Variants in GRM8 observed in about 807,000 individuals in gnomAD.
The protein encoded by GRM8 is metabotropic glutamate receptor 8.
Under a neutral mutation model 87.2 loss-of-function variants are expected in GRM8, and 47 were observed. That is an observed-to-expected ratio of 0.54 (90% CI 0.43 to 0.69). GRM8 has a LOEUF of 0.69. Ranked by LOEUF, GRM8 falls within the 30% of genes least tolerant of loss-of-function variation. The pLI is 0.00. For missense variants in GRM8, 1,019 were observed against 1,139.2 expected (o/e 0.89, Z 1.52); for synonymous variants, 396 against 404.5 (o/e 0.98, Z 0.25).
At chr7:126,609,711 G>T (rs1228336230) in intron 7 of GRM8, among the ~76,000 whole-genome samples, 2 of 152,116 alleles carry the variant, frequency 1.3e-5, no homozygotes, top group East Asian at 1.9e-4. Flanking sequence ...GTGCTTTATT[G>T]TACATATTAG....
At chr7:127,116,531 G>A (rs1400235354) in intron 2 of GRM8, among the ~76,000 whole-genome samples, 4 of 152,110 alleles carry the variant, frequency 2.6e-5, no homozygotes, top group South Asian at 2.1e-4. Context: ...AACATTTAAC[G>A]GCAATTGTAA....
chr7:126,693,767 A>G (rs1480413002), intron 7 of GRM8, among the ~76,000 whole-genome samples: 1 of 152,152 alleles, frequency 6.6e-6, no homozygotes, highest in African/African-American at 2.4e-5. Context: ...TTTGCTGGGC[A>G]TATAAAATAG....
Position 126,438,970 on chromosome 7 carries a change from C to A in GRM8, c.*149G>T. On this transcript the variant is annotated 3_prime_UTR_variant, in exon 11 of 11. Coordinates refer to ENST00000339582, the MANE Select transcript of GRM8 (RefSeq NM_000845.3). ...ACTCCCCGTTTATTGATACTTTTGG[C>A]TCATGGCTAATTTTTGTTCCTTACA... The A allele has an allele frequency of 1.6e-6, 1 of 622,930 alleles. No individual in the cohort carries two copies. Among genetic ancestry groups the A allele is most frequent in the Non-Finnish European group, 2.9e-6 (1 of 344,008 alleles). The allele number at this position is 622,930 out of a possible 1,614,324, so 38.6% of individuals were successfully genotyped here.
chr7:127,069,005 T>A (rs1270569081), intron 3 of GRM8, among the ~76,000 whole-genome samples: 2 of 152,154 alleles, frequency 1.3e-5, no homozygotes, highest in South Asian at 2.1e-4. Context: ...CCTGCTTTTG[T>A]GAAGGAAAAG....
At chr7:126,477,584 A>C (rs957707130) in intron 9 of GRM8, among the ~76,000 whole-genome samples, 2 of 52,922 alleles carry the variant, frequency 3.8e-5, no homozygotes, top group Admixed American at 1.7e-4. Flanking sequence ...AGAAAGAGAG[A>C]AAGAAAGAAA....
At chr7:127,047,504 C>T (rs1819050089) in intron 3 of GRM8, among the ~76,000 whole-genome samples, 1 of 151,996 alleles carries the variant, frequency 6.6e-6, no homozygotes, top group African/African-American at 2.4e-5. Context: ...TTCCCCTTCT[C>T]CTTTTTTTCC....
intron 2 of GRM8, among the ~76,000 whole-genome samples, chr7:127,130,506 A>G (rs1240981666): frequency 6.6e-6 from 1 of 152,170 alleles, no homozygotes; most frequent in South Asian, 2.1e-4. Flanking sequence ...AGTACAGGTC[A>G]CTCATGTTAT....
intron 3 of GRM8, among the ~76,000 whole-genome samples, chr7:126,907,055 G>C (rs1802751975): frequency 6.6e-6 from 1 of 151,390 alleles, no homozygotes; most frequent in Non-Finnish European, 1.5e-5. Flanking sequence ...TAAAAAGAAA[G>C]AAGAAGAAGA....
chr7:126,510,570 A>G (rs1451993206), intron 9 of GRM8, among the ~76,000 whole-genome samples: 4 of 26,112 alleles, frequency 1.5e-4, no homozygotes, highest in Non-Finnish European at 3.1e-4. Flanking sequence ...AATAAATTTC[A>G]AAGAACCATG....
Position 126,741,548 on chromosome 7 carries a change from T to C in GRM8, c.1357+28317A>G, listed in dbSNP as rs149661403. Among the ~76,000 whole-genome samples, 454 of 152,172 alleles carry C rather than the reference T, an allele frequency of 3.0e-3. 6 individuals carry two copies. Among genetic ancestry groups the C allele is most frequent in the African/African-American group, 0.01 (430 of 41,536 alleles). ...GGATTTTTCCTTGTAACTCTGGTCCTGAATGTGGCAGAAGAACTGAAATGT... is the reference window on the plus strand; with the variant it reads ...GGATTTTTCCTTGTAACTCTGGTCCCGAATGTGGCAGAAGAACTGAAATGT... On this transcript the variant is annotated intron_variant, in intron 7 of 10. Coordinates refer to ENST00000339582, the MANE Select transcript of GRM8 (RefSeq NM_000845.3).
chr7:126,583,608 T>G (rs558200990), intron 8 of GRM8, among the ~76,000 whole-genome samples: 3 of 152,198 alleles, frequency 2.0e-5, no homozygotes, highest in Non-Finnish European at 4.4e-5. Flanking sequence ...GACTTTGAGG[T>G]GTTTAATCTT....
At chr7:126,808,060 T>C (rs1164863924) in intron 6 of GRM8, among the ~76,000 whole-genome samples, 2 of 152,206 alleles carry the variant, frequency 1.3e-5, no homozygotes, top group Non-Finnish European at 2.9e-5. Context: ...TAGATTGGGC[T>C]ATAATTCAAT....
chr7:127,009,702 T>A (rs570855807), intron 3 of GRM8, among the ~76,000 whole-genome samples: 47 of 152,138 alleles, frequency 3.1e-4, no homozygotes, highest in Non-Finnish European at 6.2e-4. Context: ...GCCCTACTGA[T>A]TTGGAATTGT....
intron 2 of GRM8, among the ~76,000 whole-genome samples, chr7:127,217,993 A>G (rs1399167482): frequency 6.6e-6 from 1 of 152,212 alleles, no homozygotes. Flanking sequence ...GACTGGGTCC[A>G]ACCATTTACC....
chr7:126,768,540 C>T (rs1818459375), intron 7 of GRM8, among the ~76,000 whole-genome samples: 3 of 151,686 alleles, frequency 2.0e-5, no homozygotes. Flanking sequence ...AGGTTTTGAT[C>T]ATGGTTAAGA....
chr7:126,699,871 C>T (rs1809748908), intron 7 of GRM8, among the ~76,000 whole-genome samples: 1 of 152,056 alleles, frequency 6.6e-6, no homozygotes, highest in African/African-American at 2.4e-5. Flanking sequence ...AATACTGGCT[C>T]AAAAGAGAAT....
At chr7:127,232,215 G>C (rs1472472348) in intron 2 of GRM8, among the ~76,000 whole-genome samples, 1 of 96,052 alleles carries the variant, frequency 1.0e-5, no homozygotes, top group African/African-American at 3.0e-5. Context: ...GTGTGTGTGA[G>C]AGAGAGAGAG....
chr7:126,622,916 C>A (rs764145161), intron 7 of GRM8, among the ~76,000 whole-genome samples: 4 of 152,110 alleles, frequency 2.6e-5, no homozygotes, highest in Non-Finnish European at 4.4e-5. Context: ...TATGTCTAGC[C>A]CTGAATGCAG....
chr7:126,651,573 G>A (rs553351359), intron 7 of GRM8, among the ~76,000 whole-genome samples: 5 of 152,242 alleles, frequency 3.3e-5, no homozygotes, highest in East Asian at 3.9e-4. Context: ...TGTTCTGCTC[G>A]CCTAGAGGTC....
Sources: gnomAD v4.1 joint callset for allele counts (sites outside exome capture counted in the v4.1 genomes callset) on GRCh38, gnomAD v4.1.1 for gene constraint, MANE v1.5 for transcripts, NCBI Gene and HGNC (gene_info 2026-07-23, HGNC 2026-07-21) for gene names.